The following NELL1 variants were observed in gnomAD, a reference collection of about 807,000 sequenced individuals.
The protein encoded by NELL1 is protein kinase C-binding protein NELL1.
NELL1 carries 76 observed loss-of-function variants against 107.4 expected under a neutral mutation model. The ratio of observed to expected loss-of-function variants is 0.71; its 90% confidence interval spans 0.59 to 0.86. NELL1 has a LOEUF of 0.86. Among genes scored for constraint, NELL1 ranks in the 40% least tolerant of loss-of-function variants. NELL1 has a pLI of 0.00. For missense variants in NELL1, 1,024 were observed against 1,005.5 expected (o/e 1.02, Z -0.25); for synonymous variants, 353 against 341.2 (o/e 1.03, Z -0.38).
intron 2 of NELL1, among the ~76,000 whole-genome samples, chr11:20,732,985 G>A (rs1467245): frequency 0.51 from 78,215 of 151,966 alleles, 23,039 homozygotes; most frequent in Middle Eastern, 0.74. Flanking sequence ...CCCTCGCTTT[G>A]TTATTTTCCA....
chr11:20,938,989 A>T (rs1170340425), intron 10 of NELL1, among the ~76,000 whole-genome samples: 2 of 151,610 alleles, frequency 1.3e-5, no homozygotes, highest in Non-Finnish European at 2.9e-5. Flanking sequence ...TGTCACGAGC[A>T]GCTGTGCATT....
intron 12 of NELL1, among the ~76,000 whole-genome samples, chr11:21,047,186 A>G (rs1026194579): frequency 6.6e-6 from 1 of 152,170 alleles, no homozygotes; most frequent in Non-Finnish European, 1.5e-5. Flanking sequence ...TGGGAAGTCT[A>G]GATAAAACAA....
chr11:21,279,257 G>A (rs994296328), intron 14 of NELL1, among the ~76,000 whole-genome samples: 1 of 152,094 alleles, frequency 6.6e-6, no homozygotes, highest in Admixed American at 6.6e-5. Context: ...GTTCATGAAA[G>A]AATAATAATA....
chr11:21,478,735 A>T (rs1161398233), intron 15 of NELL1, among the ~76,000 whole-genome samples: 1 of 152,022 alleles, frequency 6.6e-6, no homozygotes, highest in Non-Finnish European at 1.5e-5. Flanking sequence ...GGAAACAGTC[A>T]ACAAAGTGAA....
At chr11:21,314,526 T>G (rs1177895390) in intron 14 of NELL1, among the ~76,000 whole-genome samples, 1 of 152,140 alleles carries the variant, frequency 6.6e-6, no homozygotes, top group Non-Finnish European at 1.5e-5. Flanking sequence ...TGTTAGCTGT[T>G]ATTACCAAGA....
At chr11:20,755,556 G>GTTTTTTT (rs1188989442) in intron 2 of NELL1, among the ~76,000 whole-genome samples, 5 of 23,370 alleles carry the variant, frequency 2.1e-4, no homozygotes, top group African/African-American at 4.2e-4. Context: ...TTTTGTTTTT[G>GTTTTTTT]TTTTTGTTTT....
chr11:20,865,198 A>G (rs1366985768), intron 4 of NELL1, among the ~76,000 whole-genome samples: 1 of 152,208 alleles, frequency 6.6e-6, no homozygotes, highest in Non-Finnish European at 1.5e-5. Flanking sequence ...AGAGATGAAG[A>G]CGAATACAAC....
chr11:20,794,767 A>C (rs900474181), intron 3 of NELL1, among the ~76,000 whole-genome samples: 2 of 152,140 alleles, frequency 1.3e-5, no homozygotes, highest in Non-Finnish European at 1.5e-5. Context: ...CCAGATGAGA[A>C]AATAGTCATC....
At chr11:20,797,565 CAAA>C (rs35016707) in intron 3 of NELL1, among the ~76,000 whole-genome samples, 2 of 69,286 alleles carry the variant, frequency 2.9e-5, no homozygotes, top group African/African-American at 6.2e-5. Flanking sequence ...GACTCCATCT[CAAA>C]AAAAAAAAAA....
chr11:21,166,149 T>C (rs966977268), intron 13 of NELL1, among the ~76,000 whole-genome samples: 1 of 151,634 alleles, frequency 6.6e-6, no homozygotes, highest in African/African-American at 2.4e-5. Context: ...TGACATATTC[T>C]CACTAATTTG....
At chr11:20,834,066 G>T (rs1320507371) in intron 3 of NELL1, among the ~76,000 whole-genome samples, 1 of 152,148 alleles carries the variant, frequency 6.6e-6, no homozygotes, top group Non-Finnish European at 1.5e-5. Context: ...GTTTTAAAAA[G>T]GTAACTTTGT....
At chr11:20,778,125 A>T (rs1382907948) in intron 2 of NELL1, among the ~76,000 whole-genome samples, 1 of 152,148 alleles carries the variant, frequency 6.6e-6, no homozygotes, top group Non-Finnish European at 1.5e-5. Context: ...CCTGCCTAGT[A>T]AGTGCTTATT....
rs544439346 is a variant in NELL1 at position 21,277,921 on chromosome 11, A to T, written c.1549+48467A>T. Among the ~76,000 whole-genome samples the T allele has an allele frequency of 1.3e-4, 20 of 152,270 alleles. No homozygotes were observed. In the South Asian group the frequency reaches 3.9e-3, roughly 30 times the overall value. On this transcript the variant is annotated intron_variant, in intron 14 of 19. Coordinates refer to ENST00000357134, the MANE Select transcript of NELL1 (RefSeq NM_006157.5). Reference sequence around the variant, plus strand: ...TTGTGGGGTGAGGGAAGGGGGAGGGATAGCATTAGGAGATATACCTAATGT... The same window carrying T: ...TTGTGGGGTGAGGGAAGGGGGAGGGTTAGCATTAGGAGATATACCTAATGT...
At chr11:21,147,519 A>AT (rs1231512902) in intron 13 of NELL1, among the ~76,000 whole-genome samples, 1 of 152,082 alleles carries the variant, frequency 6.6e-6, no homozygotes, top group East Asian at 1.9e-4. Context: ...GTGGCTCTGC[A>AT]TTTAGTGGTA....
At chr11:20,752,274 G>T (rs1323808698) in intron 2 of NELL1, among the ~76,000 whole-genome samples, 3 of 152,180 alleles carry the variant, frequency 2.0e-5, no homozygotes, top group Non-Finnish European at 4.4e-5. Flanking sequence ...CCTTGGCCAG[G>T]TGTGGTGGCT....
At chr11:20,966,875 T>A (rs1225171365) in intron 12 of NELL1, among the ~76,000 whole-genome samples, 1 of 152,070 alleles carries the variant, frequency 6.6e-6, no homozygotes, top group East Asian at 1.9e-4. Context: ...ATTTTCTTCT[T>A]GAAAGTATAA....
chr11:21,380,304 T>A lies in NELL1; in HGVS notation c.1645+9356T>A, dbSNP rs559467264. On this transcript the variant is annotated intron_variant, in intron 15 of 19. Transcript: ENST00000357134. The stretch of plus-strand genomic sequence containing the variant: ...TTGCCCATTTAGTTAAACCCACTAG[T>A]AAAAGGAGGGTTGCAAATGCTCTTT... Among the ~76,000 whole-genome samples, 14 of 152,220 alleles carry A rather than the reference T, an allele frequency of 9.2e-5. No individual in the cohort carries two copies. The East Asian group carries it at 2.3e-3, about 25-fold the overall frequency.
rs1288576906 is a variant in NELL1, at chr11:21,442,352, C to T, written c.1645+71404C>T. Among the ~76,000 whole-genome samples the T allele has an allele frequency of 3.3e-5, 5 of 152,046 alleles. No individual in the cohort carries two copies. The South Asian group carries it at 1.0e-3, about 32-fold the overall frequency. On this transcript the variant is annotated intron_variant, in intron 15 of 19. Transcript: ENST00000357134. The stretch of plus-strand genomic sequence containing the variant: ...TGTGTATGTTAAACGGTAGAAAATA[C>T]GGCTTATGGTTACGTGGTCTCTGTT...
In NELL1 at chr11:21,560,039, G is replaced by A. The variant is rs1014226596; in HGVS notation, c.1787-150G>A. On this transcript the variant is annotated intron_variant, in intron 16 of 19. Transcript: ENST00000357134. ...ACACAGAGCAGAACTGACTTGCAGT[G>A]TAAATGAGATAATACATGTGAACAG... 13 of 723,566 alleles carry A rather than the reference G, an allele frequency of 1.8e-5. No individual in the cohort carries two copies. In the African/African-American group the frequency reaches 2.2e-4, roughly 13 times the overall value. 44.8% of individuals were successfully genotyped at this position (723,566 alleles called of 1,614,324 possible). A position where few individuals can be genotyped will look rare whatever the true frequency, so the allele number is the denominator to read the frequency against.
Sources: allele counts gnomAD v4.1 joint callset (sites outside exome capture counted in the v4.1 genomes callset), GRCh38; gene constraint gnomAD v4.1.1; transcripts MANE v1.5; gene names NCBI Gene and HGNC (gene_info 2026-07-23, HGNC 2026-07-21).